GIGYF2: variants seen among roughly 807,000 people sequenced by gnomAD.
GIGYF2 encodes GRB10-interacting GYF protein 2.
Under a neutral mutation model 208.1 loss-of-function variants are expected in GIGYF2, and 25 were observed. That is an observed-to-expected ratio of 0.12 (90% CI 0.09 to 0.17). The LOEUF is 0.17. Among genes scored for constraint, GIGYF2 ranks in the 10% least tolerant of loss-of-function variants. The pLI is 1.00. For missense variants in GIGYF2, 1,302 were observed against 1,579.4 expected, an observed-to-expected ratio of 0.82 and a Z score of 2.98; for synonymous variants, 534 against 543.8, an observed-to-expected ratio of 0.98 and a Z score of 0.25.
intron 28 of GIGYF2, among the ~76,000 whole-genome samples, chr2:232,851,131 G>A (rs1335421546): frequency 6.6e-6 from 1 of 152,036 alleles, no homozygotes; most frequent in East Asian, 1.9e-4. Flanking sequence ...GACCAGCTGG[G>A]GTAACGTAGC....
chr2:232,759,304 T>C (rs1698659775), intron 6 of GIGYF2, among the ~76,000 whole-genome samples: 1 of 152,140 alleles, frequency 6.6e-6, no homozygotes, highest in Non-Finnish European at 1.5e-5. Context: ...AAAATTGAGC[T>C]AGGGACGATG....
rs1041378122 is a variant in GIGYF2 at position 232,857,189 on chromosome 2, G to A, written c.*329G>A. ...GTCTCCCAGAAAGTGTGTTGGGATC[G>A]GCCATTAGCAGCTTGCTTTCTCTTG... is the stretch of plus-strand genomic sequence containing the variant. On this transcript the variant is annotated 3_prime_UTR_variant, in exon 29 of 29. Coordinates refer to ENST00000373563, the MANE Select transcript of GIGYF2 (RefSeq NM_001103146.3). 2.2e-5 allele frequency: 9 copies of A among 404,008 alleles called. No homozygotes were observed. Among genetic ancestry groups the A allele is most frequent in the South Asian group, 8.9e-5 (3 of 33,768 alleles). 25.0% of individuals were successfully genotyped at this position (404,008 alleles called of 1,614,324 possible).
intron 1 of GIGYF2, among the ~76,000 whole-genome samples, chr2:232,699,928 G>A (rs1695771396): frequency 6.6e-6 from 1 of 152,064 alleles, no homozygotes; most frequent in Non-Finnish European, 1.5e-5. Flanking sequence ...TTTCAGACTA[G>A]TTGTCTAGTC....
At chr2:232,799,111 C>A (rs1700312294) in intron 14 of GIGYF2, among the ~76,000 whole-genome samples, 1 of 152,004 alleles carries the variant, frequency 6.6e-6, no homozygotes, top group South Asian at 2.1e-4. Flanking sequence ...AAGGTTTGTT[C>A]ATGTTGTAGC....
At chr2:232,808,190 A>G (rs915297743) in intron 15 of GIGYF2, among the ~76,000 whole-genome samples, 6 of 152,202 alleles carry the variant, frequency 3.9e-5, no homozygotes, top group Non-Finnish European at 7.4e-5. Flanking sequence ...ACACCATCCT[A>G]GTTGTTTTAA....
rs1574760339 is a variant in GIGYF2, at chr2:232,703,571, C to T, written c.-44+82C>T. The T allele has an allele frequency of 2.0e-5, 3 of 152,590 alleles. No individual in the cohort carries two copies. In the South Asian group the frequency reaches 6.2e-4, roughly 32 times the overall value. 9.5% of individuals were successfully genotyped at this position (152,590 alleles called of 1,614,324 possible). A position where few individuals can be genotyped will look rare whatever the true frequency, so the allele number is the denominator to read the frequency against. On this transcript the variant is annotated intron_variant, in intron 2 of 28. Coordinates refer to ENST00000373563, the MANE Select transcript of GIGYF2 (RefSeq NM_001103146.3). ...CTTTTAGGTTTTAGTTATTTTTGCC[C>T]TATTATTTCTCCTGAGGTTTTGGGT...
chr2:232,816,768 G>A (rs1053426199), intron 19 of GIGYF2, 103 bp from the exon 20 acceptor site: 6 of 852,640 alleles, frequency 7.0e-6, no homozygotes, highest in Admixed American at 1.8e-5. Context: ...AGTGCAGTAC[G>A]GTACAAGCAG....
At chr2:232,774,941 A>G (rs779463926) in intron 8 of GIGYF2, among the ~76,000 whole-genome samples, 1 of 152,138 alleles carries the variant, frequency 6.6e-6, no homozygotes, top group Non-Finnish European at 1.5e-5. Flanking sequence ...CTTACCTACA[A>G]CTTTTGTAGC....
chr2:232,796,026 C>T (rs1208490006), intron 13 of GIGYF2, 36 bp from the exon 14 acceptor site: 2 of 1,531,632 alleles, frequency 1.3e-6, no homozygotes, highest in Admixed American at 1.7e-5. Context: ...AATTTAGGAT[C>T]ATTTGTTTCC....
At position 232,749,059 on chromosome 2, in the gene GIGYF2, G is replaced by A. The variant is rs1290897049; in HGVS notation, c.244G>A (p.Val82Ile). The change falls in exon 5 of 29, where the codon GTA (valine) becomes ATA (isoleucine). Residue 82 changes from valine (V) to isoleucine (I), a missense_variant. By Grantham distance (29) the Val-to-Ile change is conservative. Around this residue, in one of 8 missense-constraint regions of GIGYF2, gnomAD observed 189 missense variants for 257.7 expected, o/e 0.73. Coordinates refer to ENST00000373563, the MANE Select transcript of GIGYF2 (RefSeq NM_001103146.3). ...QEEPLPPLALVPFTEEEQRNF... is the reference protein window; with the variant it reads ...QEEPLPPLALIPFTEEEQRNF... ...GGAACCCCTTCCACCATTGGCTCTGGTACCCTTTACAGAAGAAGAACAGGT... is the reference window on the plus strand; with the variant it reads ...GGAACCCCTTCCACCATTGGCTCTGATACCCTTTACAGAAGAAGAACAGGT... 2.5e-6 allele frequency: 4 copies of A among 1,588,236 alleles called. No individual in the cohort carries two copies. The highest frequency in any genetic ancestry group is 3.5e-6 in the Non-Finnish European group (4 of 1,156,558).
chr2:232,819,543 G>GTTAA (rs1300183129), intron 20 of GIGYF2, among the ~76,000 whole-genome samples: 22 of 152,150 alleles, frequency 1.4e-4, no homozygotes, highest in African/African-American at 4.3e-4. Context: ...TCTTTCTACG[G>GTTAA]TTAATCAGTA....
rs770239096 is a variant in GIGYF2 at position 232,847,329 on chromosome 2, C to CT, written c.3461-18dup. The CT allele has an allele frequency of 5.0e-6, 8 of 1,608,134 alleles. No individual in the cohort carries two copies. In the African/African-American group the frequency reaches 9.4e-5, roughly 19 times the overall value. On this transcript the variant is annotated intron_variant, in intron 26 of 28. Transcript: ENST00000373563. The stretch of plus-strand genomic sequence containing the variant: ...ATTATTTCATTGTTACCCTTATCTT[C>CT]TCCCCTCCCGTTTTGCAGTTCCCAC...
chr2:232,737,120 G>A (rs979832564), intron 3 of GIGYF2, among the ~76,000 whole-genome samples: 1 of 152,162 alleles, frequency 6.6e-6, no homozygotes, highest in Non-Finnish European at 1.5e-5. Context: ...CAGGCCATTT[G>A]GTTCACAGAG....
At chr2:232,834,240 G>A (rs948402735) in intron 22 of GIGYF2, among the ~76,000 whole-genome samples, 5 of 152,108 alleles carry the variant, frequency 3.3e-5, no homozygotes, top group Non-Finnish European at 5.9e-5. Context: ...CAGGCAAGTA[G>A]AATACAGTAT....
intron 12 of GIGYF2, among the ~76,000 whole-genome samples, chr2:232,794,349 T>C (rs989624612): frequency 3.9e-5 from 6 of 152,182 alleles, no homozygotes; most frequent in African/African-American, 1.4e-4. Context: ...ATCATTGATA[T>C]TTTCAGTAAA....
chr2:232,835,042 T>C (rs7598518), intron 22 of GIGYF2, among the ~76,000 whole-genome samples: 15,332 of 152,158 alleles, frequency 0.1, 1,096 homozygotes, highest in African/African-American at 0.19. Flanking sequence ...TATTCCACTT[T>C]GTGTGCCTGT....
intron 5 of GIGYF2, among the ~76,000 whole-genome samples, chr2:232,755,245 A>G (rs1574840379): frequency 6.6e-6 from 1 of 152,164 alleles, no homozygotes; most frequent in Admixed American, 6.5e-5. Flanking sequence ...ATCTCGGCTC[A>G]CTGCAGCCTC....
chr2:232,743,854 T>C (rs1293309549), intron 3 of GIGYF2, among the ~76,000 whole-genome samples: 1 of 152,132 alleles, frequency 6.6e-6, no homozygotes, highest in East Asian at 1.9e-4. Flanking sequence ...TTTTGTATTT[T>C]TTATTTTTTG....
At chr2:232,711,354 A>G (rs989724255) in intron 2 of GIGYF2, among the ~76,000 whole-genome samples, 7 of 151,178 alleles carry the variant, frequency 4.6e-5, no homozygotes, top group Non-Finnish European at 7.4e-5. Context: ...ATGTTAATCA[A>G]CTTTTTGATC....
Sources: allele counts gnomAD v4.1 joint callset (sites outside exome capture counted in the v4.1 genomes callset), GRCh38; gene constraint gnomAD v4.1.1; regional missense constraint gnomAD v4.1.1; transcripts MANE v1.5; gene names NCBI Gene and HGNC (gene_info 2026-07-23, HGNC 2026-07-21).